The following FAT3 variants were observed in gnomAD, a reference collection of about 807,000 sequenced individuals.
FAT3 encodes FAT atypical cadherin 3, also known as protocadherin Fat 3.
FAT3 carries 95 observed loss-of-function variants against 310.2 expected under a neutral mutation model. The observed-to-expected ratio is 0.31, with a 90% CI of 0.26 to 0.36. FAT3 has a LOEUF of 0.36. Ranked by LOEUF, FAT3 falls within the 10% of genes least tolerant of loss-of-function variation. FAT3 has a pLI of 1.00. For missense variants in FAT3, 5,408 were observed against 5,715.6 expected, an observed-to-expected ratio of 0.95 and a Z score of 1.74; for synonymous variants, 2,314 against 2,192.9, an observed-to-expected ratio of 1.06 and a Z score of -1.54.
At chr11:92,492,847 A>C (rs1263838279) in intron 2 of FAT3, among the ~76,000 whole-genome samples, 1 of 152,098 alleles carries the variant, frequency 6.6e-6, no homozygotes, top group Non-Finnish European at 1.5e-5. Context: ...GATGCTGAAC[A>C]AATGCTGGTT....
At chr11:92,537,158 G>A (rs149311855) in intron 3 of FAT3, among the ~76,000 whole-genome samples, 107 of 152,192 alleles carry the variant, frequency 7.0e-4, no homozygotes, top group African/African-American at 2.5e-3. Context: ...AACCCTGAGC[G>A]GGAGCTGGTT....
intron 19 of FAT3, among the ~76,000 whole-genome samples, chr11:92,845,873 C>T (rs1320426781): frequency 1.3e-5 from 2 of 152,042 alleles, no homozygotes; most frequent in East Asian, 3.9e-4. Context: ...GTCATAACTC[C>T]CTCTGAGAGA....
At chr11:92,803,083 G>A (rs1428667844) in intron 10 of FAT3, among the ~76,000 whole-genome samples, 1 of 151,994 alleles carries the variant, frequency 6.6e-6, no homozygotes, top group Non-Finnish European at 1.5e-5. Flanking sequence ...ATAGAAGAAA[G>A]AGGTGAGTGA....
chr11:92,695,955 A>C (rs970712696), intron 3 of FAT3, among the ~76,000 whole-genome samples: 7 of 152,182 alleles, frequency 4.6e-5, no homozygotes, highest in Admixed American at 1.3e-4. Flanking sequence ...GAATATAGTT[A>C]ATAATAGTGT....
chr11:92,872,794 T>A (rs1330657038), intron 22 of FAT3, among the ~76,000 whole-genome samples: 4 of 152,212 alleles, frequency 2.6e-5, no homozygotes, highest in South Asian at 2.1e-4. Context: ...TTTTACAAGG[T>A]CTAAAGGTTT....
At chr11:92,267,951 A>T (rs1946014927) in intron 1 of FAT3, among the ~76,000 whole-genome samples, 1 of 152,074 alleles carries the variant, frequency 6.6e-6, no homozygotes, top group African/African-American at 2.4e-5. Flanking sequence ...GTAGGTGCAC[A>T]AATTACTGAA....
intron 1 of FAT3, among the ~76,000 whole-genome samples, chr11:92,258,231 C>T (rs1865390727): frequency 6.6e-6 from 1 of 152,104 alleles, no homozygotes; most frequent in Non-Finnish European, 1.5e-5. Flanking sequence ...TGAGTGCTTG[C>T]TATGTGCCTA....
chr11:92,617,868 G>T (rs1368002158), intron 3 of FAT3, among the ~76,000 whole-genome samples: 10 of 152,112 alleles, frequency 6.6e-5, no homozygotes, highest in African/African-American at 2.2e-4. Flanking sequence ...GGGGCACCCG[G>T]CTCTATGAGG....
chr11:92,483,370 C>T (rs1368942345), intron 2 of FAT3, among the ~76,000 whole-genome samples: 4 of 151,466 alleles, frequency 2.6e-5, no homozygotes, highest in Non-Finnish European at 5.9e-5. Context: ...GAGTCTCGCT[C>T]TGTCTCCCAG....
At position 92,801,690 on chromosome 11, in the gene FAT3, G is replaced by C; in HGVS notation, c.8677G>C (p.Val2893Leu). 1 of 1,613,946 alleles carries C rather than the reference G, an allele frequency of 6.2e-7. No homozygotes were observed. The highest frequency in any genetic ancestry group is 8.5e-7 in the Non-Finnish European group (1 of 1,179,864). Residue 2893 changes from valine (V) to leucine (L), a missense_variant, in exon 10 of 28, where the codon GTG (valine) becomes CTG (leucine). By Grantham distance (32) the Val-to-Leu change is conservative (BLOSUM62 1). Coordinates refer to ENST00000525166, the MANE Select transcript of FAT3 (RefSeq NM_001367949.2). ...HETDPTFTFS[V>L]VASDLGEAFS... ...GACAGACCCCACATTCACCTTCTCT[G>C]TGGTGGCCTCTGACCTTGGAGAGGC...
intron 2 of FAT3, among the ~76,000 whole-genome samples, chr11:92,430,758 A>G (rs1037763275): frequency 1.2e-4 from 9 of 75,928 alleles, no homozygotes; most frequent in South Asian, 5.7e-4. Flanking sequence ...AGAACATGCG[A>G]TGTTTGGTTT....
At chr11:92,375,676 T>C (rs1488553765) in intron 2 of FAT3, among the ~76,000 whole-genome samples, 1 of 152,230 alleles carries the variant, frequency 6.6e-6, no homozygotes, top group Non-Finnish European at 1.5e-5. Flanking sequence ...CTGTATTTAT[T>C]ACTGAGACAT....
At position 92,729,249 on chromosome 11, in the gene FAT3, G is replaced by A. The variant is rs182519480; in HGVS notation, c.3669+31804G>A. 9.2e-5 allele frequency among the ~76,000 whole-genome samples: 14 copies of A among 152,186 alleles called. No individual in the cohort carries two copies. In the East Asian group the frequency reaches 1.7e-3, roughly 19 times the overall value. ...CTTGCAAACAAACTGACTGACAAAC[G>A]CAGAGCACTCGATAAATGTCATTGT... On this transcript the variant is annotated intron_variant, in intron 4 of 27. Coordinates refer to ENST00000525166, the MANE Select transcript of FAT3 (RefSeq NM_001367949.2).
At chr11:92,407,365 G>A (rs1950157081) in intron 2 of FAT3, among the ~76,000 whole-genome samples, 1 of 152,106 alleles carries the variant, frequency 6.6e-6, no homozygotes, top group Non-Finnish European at 1.5e-5. Context: ...TTAGAATTAT[G>A]CCTTTTCACT....
intron 2 of FAT3, among the ~76,000 whole-genome samples, chr11:92,434,993 G>C (rs1316563823): frequency 6.6e-6 from 1 of 152,186 alleles, no homozygotes; most frequent in East Asian, 1.9e-4. Flanking sequence ...TTAGGGGCTT[G>C]CATACAGTGG....
intron 1 of FAT3, among the ~76,000 whole-genome samples, chr11:92,247,480 G>A (rs548153423): frequency 1.8e-4 from 28 of 152,066 alleles, no homozygotes; most frequent in Non-Finnish European, 2.9e-4. Flanking sequence ...TGGCAGAAGC[G>A]TGAAGAAAGA....
At chr11:92,500,987 C>A (rs1952921880) in intron 2 of FAT3, among the ~76,000 whole-genome samples, 2 of 152,146 alleles carry the variant, frequency 1.3e-5, no homozygotes, top group South Asian at 4.1e-4. Flanking sequence ...TATCAGGTTA[C>A]AATGAGATCG....
In FAT3 at chr11:92,800,163, A is replaced by G. The variant is rs1947295329; in HGVS notation, c.7150A>G (p.Ile2384Val). 5.0e-6 allele frequency: 8 copies of G among 1,613,948 alleles called. No individual in the cohort carries two copies. In the East Asian group the frequency reaches 1.8e-4, roughly 36 times the overall value. ...CAGTGAGGTTCTCGTTCATATCTAC[A>G]TCTCTGATGTAAATGACAACCCTCC... Reference protein sequence around the residue: ...LSSEVLVHIYISDVNDNPPVF... With the variant: ...LSSEVLVHIYVSDVNDNPPVF... The change falls in exon 10 of 28, where the codon ATC becomes GTC. Residue 2384 changes from isoleucine to valine, a missense_variant. Ile to Val is a conservative substitution (Grantham distance 29). Transcript: ENST00000525166.
chr11:92,764,837 A>T (rs752059175), intron 5 of FAT3, 42 bp from the exon 6 acceptor site: 12 of 1,577,466 alleles, frequency 7.6e-6, no homozygotes, highest in Non-Finnish European at 1.0e-5. Context: ...TACAACAATC[A>T]GAGGTCTGAG....
Sources: allele counts gnomAD v4.1 joint callset (sites outside exome capture counted in the v4.1 genomes callset), GRCh38; gene constraint gnomAD v4.1.1; transcripts MANE v1.5; gene names NCBI Gene and HGNC (gene_info 2026-07-23, HGNC 2026-07-21).